The following SNX29 variants were observed in gnomAD, a reference collection of about 807,000 sequenced individuals.
The protein encoded by SNX29 is sorting nexin 29.
Under a neutral mutation model 102.1 loss-of-function variants are expected in SNX29, and 78 were observed. The ratio of observed to expected loss-of-function variants is 0.76; its 90% CI spans 0.64 to 0.92. The LOEUF is 0.92. Ranked by LOEUF, SNX29 falls within the 40% of genes least tolerant of loss-of-function variation. SNX29 has a pLI of 0.00. For missense variants in SNX29, 1,280 were observed against 1,061.7 expected, an observed-to-expected ratio of 1.21 and a Z score of -2.86; for synonymous variants, 580 against 414.5, an observed-to-expected ratio of 1.40 and a Z score of -4.85.
intron 18 of SNX29, among the ~76,000 whole-genome samples, chr16:12,443,642 G>A (rs2085909377): frequency 6.6e-6 from 1 of 152,158 alleles, no homozygotes; most frequent in Admixed American, 6.5e-5. Context: ...TTAGAGACAG[G>A]TTTTCACTAT....
intron 15 of SNX29, among the ~76,000 whole-genome samples, chr16:12,330,652 G>A (rs749352113): frequency 6.6e-5 from 10 of 152,330 alleles, no homozygotes; most frequent in South Asian, 4.1e-4. Flanking sequence ...GGAGCCAGGC[G>A]GCTGGACCCC....
chr16:12,272,765 C>T (rs572391818), intron 14 of SNX29, among the ~76,000 whole-genome samples: 143 of 152,298 alleles, frequency 9.4e-4, no homozygotes, highest in South Asian at 2.3e-3. Flanking sequence ...CTTCAGAAGC[C>T]CCTCTTGGAA....
At chr16:12,051,052 G>A (rs1294406748) in intron 7 of SNX29, among the ~76,000 whole-genome samples, 1 of 152,142 alleles carries the variant, frequency 6.6e-6, no homozygotes, top group Non-Finnish European at 1.5e-5. Context: ...TAGAAGCAGG[G>A]CATGGTGGCT....
rs71139595 is a variant in SNX29 at position 12,461,978 on chromosome 16, AATATATAT to A, written c.2038-15714_2038-15707del. Among the ~76,000 whole-genome samples, 58 of 27,344 alleles carry A rather than the reference AATATATAT, an allele frequency of 2.1e-3. 1 individual carries two copies. Among genetic ancestry groups the A allele is most frequent in the East Asian group, 0.017 (8 of 472 alleles). The allele number at this position is 27,344 out of a possible 152,430, so 17.9% of individuals were successfully genotyped here. On this transcript the variant is annotated intron_variant, in intron 18 of 20. Coordinates refer to ENST00000566228, the MANE Select transcript of SNX29 (RefSeq NM_032167.5). ...CTCAAAAAAAAAAAAAAAAAAAAAA[AATATATAT>A]ATATATATATATATATATATATATA... is the stretch of plus-strand genomic sequence containing the variant.
At chr16:12,533,774 A>C (rs1216401092) in intron 20 of SNX29, among the ~76,000 whole-genome samples, 1 of 152,082 alleles carries the variant, frequency 6.6e-6, no homozygotes, top group African/African-American at 2.4e-5. Context: ...GTCAGCAGGG[A>C]GTGGTGTGGA....
chr16:12,024,909 C>T (rs561940282), intron 3 of SNX29, among the ~76,000 whole-genome samples: 3 of 152,212 alleles, frequency 2.0e-5, no homozygotes, highest in African/African-American at 7.2e-5. Flanking sequence ...CTGAGACAGA[C>T]CCCTGATCTA....
At chr16:12,027,508 T>G in intron 4 of SNX29, 64 bp downstream of exon 4, 1 of 1,592,266 alleles carries the variant, frequency 6.3e-7, no homozygotes, top group South Asian at 1.1e-5. Context: ...TTCTTTTTAT[T>G]TATTTTTTAA....
chr16:12,270,860 G>A (rs1015761621), intron 14 of SNX29, among the ~76,000 whole-genome samples: 1 of 151,980 alleles, frequency 6.6e-6, no homozygotes, highest in Non-Finnish European at 1.5e-5. Context: ...TGGTCAATGT[G>A]GTGAAATGCC....
chr16:12,558,201 C>G (rs1026091785), intron 20 of SNX29, among the ~76,000 whole-genome samples: 2 of 142,600 alleles, frequency 1.4e-5, no homozygotes, highest in East Asian at 2.0e-4. Context: ...ACGGTTTACT[C>G]CAGCAGAACC....
intron 15 of SNX29, among the ~76,000 whole-genome samples, chr16:12,348,409 G>A (rs2081888434): frequency 6.6e-6 from 1 of 152,244 alleles, no homozygotes; most frequent in African/African-American, 2.4e-5. Flanking sequence ...TACTCTAGGT[G>A]CCCCTTCCCT....
intron 20 of SNX29, among the ~76,000 whole-genome samples, chr16:12,553,776 C>T (rs149325432): frequency 1.3e-5 from 2 of 152,242 alleles, no homozygotes; most frequent in African/African-American, 4.8e-5. Flanking sequence ...TAAGTACAGA[C>T]AGGGTTTCAC....
intron 3 of SNX29, among the ~76,000 whole-genome samples, chr16:12,026,947 GTGAA>G (rs1244231263): frequency 2.6e-5 from 4 of 152,142 alleles, no homozygotes; most frequent in Non-Finnish European, 5.9e-5. Context: ...GTTAAAACTT[GTGAA>G]TTGGATGCAA....
At chr16:12,150,183 C>T (rs573087257) in intron 13 of SNX29, among the ~76,000 whole-genome samples, 2 of 152,162 alleles carry the variant, frequency 1.3e-5, no homozygotes, top group African/African-American at 4.8e-5. Context: ...TAATCCCCTC[C>T]TGGGCATTGT....
At chr16:12,498,620 AC>A (rs2088949294) in intron 19 of SNX29, among the ~76,000 whole-genome samples, 1 of 152,224 alleles carries the variant, frequency 6.6e-6, no homozygotes, top group South Asian at 2.1e-4. Context: ...GCATAGGCTT[AC>A]AATTTTTGAG....
chr16:12,064,627 A>G (rs1490668673), intron 9 of SNX29, among the ~76,000 whole-genome samples: 1 of 152,172 alleles, frequency 6.6e-6, no homozygotes, highest in African/African-American at 2.4e-5. Flanking sequence ...TTATTCCAGG[A>G]CTGTGTCAGG....
chr16:12,383,336 A>G (rs947467659), intron 16 of SNX29, among the ~76,000 whole-genome samples: 9 of 152,258 alleles, frequency 5.9e-5, no homozygotes, highest in African/African-American at 2.2e-4. Context: ...TTATAAGAAT[A>G]TTATTTAAAA....
chr16:12,325,391 C>G (rs118126516), intron 15 of SNX29, among the ~76,000 whole-genome samples: 1 of 152,138 alleles, frequency 6.6e-6, no homozygotes, highest in Admixed American at 6.5e-5. Context: ...TAAATGCATT[C>G]TGGCAGCTCT....
chr16:12,382,784 C>T (rs1054604884), intron 16 of SNX29, among the ~76,000 whole-genome samples: 3 of 152,250 alleles, frequency 2.0e-5, no homozygotes, highest in East Asian at 3.9e-4. Flanking sequence ...CCAGGCATCC[C>T]TTGGTTTATG....
intron 18 of SNX29, among the ~76,000 whole-genome samples, chr16:12,451,601 C>T (rs79513515): frequency 0.013 from 1,950 of 152,314 alleles, 43 homozygotes; most frequent in East Asian, 0.1. Context: ...CGGTGGCTCA[C>T]GCCTGTAATC....
Sources: gnomAD v4.1 joint callset for allele counts (sites outside exome capture counted in the v4.1 genomes callset) on GRCh38, gnomAD v4.1.1 for gene constraint, MANE v1.5 for transcripts, NCBI Gene and HGNC (gene_info 2026-07-23, HGNC 2026-07-21) for gene names.